ATOH8: variants seen among roughly 807,000 people sequenced by gnomAD.
ATOH8 encodes the protein atonal bHLH transcription factor 8, also known as transcription factor ATOH8.
ATOH8 carries 9 observed loss-of-function variants against 21.2 expected under a neutral mutation model. The ratio of observed to expected loss-of-function variants is 0.42; its 90% CI spans 0.26 to 0.74. The LOEUF (loss-of-function observed/expected upper bound fraction) is 0.74. Among genes scored for constraint, ATOH8 ranks in the 30% least tolerant of loss-of-function variants. The pLI, the probability that ATOH8 is intolerant of heterozygous loss-of-function variation, is 0.24. For missense variants in ATOH8, 524 were observed against 470.9 expected (o/e 1.11, Z -1.04); for synonymous variants, 253 against 224.0 (o/e 1.13, Z -1.16).
intron 2 of ATOH8, among the ~76,000 whole-genome samples, chr2:85,778,790 G>T (rs1680404726): frequency 1.3e-5 from 2 of 152,244 alleles, no homozygotes; most frequent in African/African-American, 4.8e-5. Flanking sequence ...CAGGCCTGAT[G>T]GGGACCCTCC....
intron 2 of ATOH8, among the ~76,000 whole-genome samples, chr2:85,768,253 T>A (rs1337931622): frequency 1.3e-5 from 2 of 152,194 alleles, no homozygotes; most frequent in African/African-American, 4.8e-5. Flanking sequence ...TGAGCCACGC[T>A]TGCCGCTCCA....
chr2:85,770,641 G>A (rs898696598), intron 2 of ATOH8, among the ~76,000 whole-genome samples: 14 of 152,196 alleles, frequency 9.2e-5, no homozygotes, highest in African/African-American at 3.4e-4. Flanking sequence ...GGGCTGGAGG[G>A]GTCATTGGCT....
intron 2 of ATOH8, among the ~76,000 whole-genome samples, chr2:85,765,372 G>A (rs183084205): frequency 6.6e-6 from 1 of 152,352 alleles, no homozygotes; most frequent in Admixed American, 6.5e-5. Flanking sequence ...CTCATGCCAG[G>A]GAGGGTCACG....
At position 85,785,639 on chromosome 2, in the gene ATOH8, A is replaced by C. The variant is rs1680606879; in HGVS notation, c.961-1246A>C. Among the ~76,000 whole-genome samples, 1 of 152,090 alleles carries C rather than the reference A, an allele frequency of 6.6e-6. No individual in the cohort carries two copies. The highest frequency in any genetic ancestry group is 1.5e-5 in the Non-Finnish European group (1 of 68,010). ...TCCTGGCTCCCCAAGCCTCTGTCTCAGTGAGAGCAGCCTCTGTGTGGTAGA... is the reference window on the plus strand; with the variant it reads ...TCCTGGCTCCCCAAGCCTCTGTCTCCGTGAGAGCAGCCTCTGTGTGGTAGA... On this transcript the variant is annotated intron_variant, in intron 2 of 2. Transcript: ENST00000306279. The surrounding 1 kb of genome is among the most constrained non-coding windows in gnomAD (Gnocchi z 4.1).
intron 1 of ATOH8, among the ~76,000 whole-genome samples, chr2:85,755,249 G>T (rs952018496): frequency 6.6e-6 from 1 of 152,218 alleles, no homozygotes; most frequent in Non-Finnish European, 1.5e-5. Flanking sequence ...TTATGGCAGC[G>T]AGTATTTGCC....
rs907249761 is a variant in ATOH8 at position 85,789,750 on chromosome 2, G to T, written c.*2860G>T. On this transcript the variant is annotated 3_prime_UTR_variant, in exon 3 of 3. Coordinates refer to ENST00000306279, the MANE Select transcript of ATOH8 (RefSeq NM_032827.7). ...TTAATGTGCAGGCAAGGTTGAAGCCGCTGGTCTAAGTGGGGTCTGGTCTAC... is the reference window on the plus strand; with the variant it reads ...TTAATGTGCAGGCAAGGTTGAAGCCTCTGGTCTAAGTGGGGTCTGGTCTAC... Among the ~76,000 whole-genome samples the T allele has an allele frequency of 6.6e-6, 1 of 152,144 alleles. No individual in the cohort carries two copies. The highest frequency in any genetic ancestry group is 2.4e-5 in the African/African-American group (1 of 41,420).
Position 85,789,332 on chromosome 2 carries a change from C to T in ATOH8, c.*2442C>T, listed in dbSNP as rs2104544075. 6.6e-6 allele frequency among the ~76,000 whole-genome samples: 1 copy of T among 152,286 alleles called. No individual in the cohort carries two copies. Among genetic ancestry groups the T allele is most frequent in the Admixed American group, 6.5e-5 (1 of 15,290 alleles). On this transcript the variant is annotated 3_prime_UTR_variant, in exon 3 of 3. Coordinates refer to ENST00000306279, the MANE Select transcript of ATOH8 (RefSeq NM_032827.7). ...ATGGATCTTGTGTCATGCATGGCAT[C>T]ACGGAGCTCTGGGTTCTGTACGGAG...
intron 2 of ATOH8, among the ~76,000 whole-genome samples, chr2:85,777,796 A>G (rs1042182117): frequency 1.3e-5 from 2 of 152,184 alleles, no homozygotes; most frequent in Non-Finnish European, 2.9e-5. Flanking sequence ...CCTCCAGTGG[A>G]GCCTGGCGTG....
rs549254925 is a variant in ATOH8, at chr2:85,789,141, C to T, written c.*2251C>T. Among the ~76,000 whole-genome samples, 1 of 152,324 alleles carries T rather than the reference C, an allele frequency of 6.6e-6. No homozygotes were observed. Among genetic ancestry groups the T allele is most frequent in the Admixed American group, 6.5e-5 (1 of 15,310 alleles). ...ACCAAAGGGAGTGTACCCCATTCTG[C>T]TGCCAAGGGAGCAAACCCATGGCCT... is the stretch of plus-strand genomic sequence containing the variant. On this transcript the variant is annotated 3_prime_UTR_variant, in exon 3 of 3. Coordinates refer to ENST00000306279, the MANE Select transcript of ATOH8 (RefSeq NM_032827.7).
Position 85,754,817 on chromosome 2 carries a change from C to T in ATOH8, c.628C>T (p.Pro210Ser). 2.5e-6 allele frequency: 4 copies of T among 1,612,842 alleles called. No homozygotes were observed. Among genetic ancestry groups the T allele is most frequent in the Non-Finnish European group, 3.4e-6 (4 of 1,179,920 alleles). ...YNNHQDSSAS[P>S]RKRPGEATAA... ...TAACCACCAGGATTCCTCCGCGTCG[C>T]CTAGGAAACGACCGGGCGAAGCGAC... Residue 210 changes from proline (P) to serine (S), a missense_variant, in exon 1 of 3, where the codon CCT becomes TCT. By Grantham distance (74) the Pro-to-Ser change is moderately conservative (BLOSUM62 -1). Transcript: ENST00000306279.
intron 2 of ATOH8, among the ~76,000 whole-genome samples, chr2:85,786,421 G>T (rs1244787673): frequency 1.3e-5 from 2 of 152,234 alleles, no homozygotes; most frequent in Admixed American, 6.5e-5. Context: ...GCTGGCAGGT[G>T]AATGTGCTAC....
rs545613069 is a variant in ATOH8, at chr2:85,781,960, C to T, written c.961-4925C>T. 1.0e-3 allele frequency among the ~76,000 whole-genome samples: 154 copies of T among 152,190 alleles called. 1 individual carries two copies. Among genetic ancestry groups the T allele is most frequent in the African/African-American group, 3.4e-3 (143 of 41,524 alleles). ...GAGAGGTTAAGTATCCTGCTCAGGGCCCCCCAGCTGACTCTGGGGCCAAGA... is the reference window on the plus strand; with the variant it reads ...GAGAGGTTAAGTATCCTGCTCAGGGTCCCCCAGCTGACTCTGGGGCCAAGA... On this transcript the variant is annotated intron_variant, in intron 2 of 2. Transcript: ENST00000306279.
rs139775195 is a variant in ATOH8, at chr2:85,782,981, G to A, written c.961-3904G>A. Among the ~76,000 whole-genome samples, 18 of 152,302 alleles carry A rather than the reference G, an allele frequency of 1.2e-4. No homozygotes were observed. The East Asian group carries it at 2.7e-3, about 23-fold the overall frequency. On this transcript the variant is annotated intron_variant, in intron 2 of 2. Coordinates refer to ENST00000306279, the MANE Select transcript of ATOH8 (RefSeq NM_032827.7). ...AAAGTGCTGGGATTACAGGCGTGAC[G>A]CCTGGCCCAGCATTTACTGAGATAC...
At chr2:85,768,200 G>T (rs935302098) in intron 2 of ATOH8, among the ~76,000 whole-genome samples, 30 of 152,170 alleles carry the variant, frequency 2.0e-4, no homozygotes, top group African/African-American at 7.0e-4. Flanking sequence ...AAAATGAGAT[G>T]ACCACCTAAG....
chr2:85,785,935 G>A lies in ATOH8; in HGVS notation c.961-950G>A, dbSNP rs1381401801. Among the ~76,000 whole-genome samples the A allele has an allele frequency of 6.6e-6, 1 of 152,156 alleles. No homozygotes were observed. Among genetic ancestry groups the A allele is most frequent in the Non-Finnish European group, 1.5e-5 (1 of 68,024 alleles). On this transcript the variant is annotated intron_variant, in intron 2 of 2. Transcript: ENST00000306279. This position sits in a 1 kb window ranked among gnomAD's most constrained non-coding sequence, Gnocchi z 4.1. ...GACTTTGTTATTTTTCATCCTGGGTGGATCTGGAGGTCTCACAGAGCCTCC... is the reference window on the plus strand; with the variant it reads ...GACTTTGTTATTTTTCATCCTGGGTAGATCTGGAGGTCTCACAGAGCCTCC...
At chr2:85,758,447 A>C (rs1238283071) in intron 1 of ATOH8, among the ~76,000 whole-genome samples, 1 of 152,188 alleles carries the variant, frequency 6.6e-6, no homozygotes, top group Non-Finnish European at 1.5e-5. Flanking sequence ...GTGGTCATGT[A>C]CAGTGGCAGC....
chr2:85,768,238 C>G (rs1680078258), intron 2 of ATOH8, among the ~76,000 whole-genome samples: 1 of 152,182 alleles, frequency 6.6e-6, no homozygotes, highest in African/African-American at 2.4e-5. Context: ...CCCTTCCTAC[C>G]CCAATGAGCC....
Position 85,766,385 on chromosome 2 carries a change from A to C in ATOH8, c.960+2203A>C, listed in dbSNP as rs1003353205. Among the ~76,000 whole-genome samples, 1 of 151,712 alleles carries C rather than the reference A, an allele frequency of 6.6e-6. No individual in the cohort carries two copies. Among genetic ancestry groups the C allele is most frequent in the African/African-American group, 2.4e-5 (1 of 41,294 alleles). On this transcript the variant is annotated intron_variant, in intron 2 of 2. Coordinates refer to ENST00000306279, the MANE Select transcript of ATOH8 (RefSeq NM_032827.7). The surrounding 1 kb of genome is among the most constrained non-coding windows in gnomAD (Gnocchi z 4.0). ...AGGGCACTTCCTGCCTCCTGCCCTC[A>C]GTCTTTCCCAGCTGGGTGAGGAGGT...
At chr2:85,771,924 A>G (rs1680193040) in intron 2 of ATOH8, among the ~76,000 whole-genome samples, 1 of 152,256 alleles carries the variant, frequency 6.6e-6, no homozygotes, top group South Asian at 2.1e-4. Context: ...AGGAAGTGGC[A>G]GAGCTCAGTT....
Sources: allele counts gnomAD v4.1 joint callset (sites outside exome capture counted in the v4.1 genomes callset), GRCh38; gene constraint gnomAD v4.1.1; non-coding constraint Gnocchi (gnomAD v3.1); transcripts MANE v1.5; gene names NCBI Gene and HGNC (gene_info 2026-07-23, HGNC 2026-07-21).